The following MX1 variants were observed in gnomAD, a reference collection of about 807,000 sequenced individuals.
MX1 encodes the protein MX dynamin like GTPase 1, also known as interferon-induced GTP-binding protein Mx1.
Under a neutral mutation model 66.4 loss-of-function variants are expected in MX1, and 66 were observed. The observed-to-expected ratio is 0.99, with a 90% CI of 0.82 to 1.22. The LOEUF is 1.22. MX1 is among the 50% of genes most tolerant of loss of function. MX1 has a pLI of 0.00. For synonymous variants in MX1, 311 were observed against 318.1 expected (o/e 0.98, Z 0.24); for missense variants, 787 against 834.3 (o/e 0.94, Z 0.70).
intron 10 of MX1, chr21:41,443,451 A>C: frequency 7.6e-6 from 2 of 264,752 alleles, no homozygotes; most frequent in Non-Finnish European, 1.5e-5. Flanking sequence ...TCACCTACAC[A>C]TATTACACAT....
rs1033916867 is a variant in MX1, at chr21:41,441,256, G to A, written c.730+231G>A. ...GCCTCCACTAAGACCTGCTAAGGGAGCAGGTTTGGTGCCCACCAAGGCCAA... is the reference window on the plus strand; with the variant it reads ...GCCTCCACTAAGACCTGCTAAGGGAACAGGTTTGGTGCCCACCAAGGCCAA... On this transcript the variant is annotated intron_variant, in intron 9 of 16. Transcript: ENST00000398598. This position sits in a 1 kb window ranked among gnomAD's most constrained non-coding sequence, Gnocchi z 4.0. 2 of 580,166 alleles carry A rather than the reference G, an allele frequency of 3.4e-6. No individual in the cohort carries two copies. The highest frequency in any genetic ancestry group is 3.5e-5 in the Admixed American group (1 of 28,596). 35.9% of individuals were successfully genotyped at this position (580,166 alleles called of 1,614,324 possible). A position where few individuals can be genotyped will look rare whatever the true frequency, so the allele number is the denominator to read the frequency against.
chr21:41,438,202 G>A (rs998945721), intron 7 of MX1, among the ~76,000 whole-genome samples: 8 of 152,236 alleles, frequency 5.3e-5, no homozygotes, highest in African/African-American at 1.9e-4. Context: ...TTTGTTGACT[G>A]TTTAAAGAAA....
In MX1 at chr21:41,458,589, C is replaced by T. The variant is rs375454579; in HGVS notation, c.1820C>T (p.Thr607Met). 338 of 1,614,146 alleles carry T rather than the reference C, an allele frequency of 2.1e-4. No homozygotes were observed. Among genetic ancestry groups the T allele is most frequent in the Non-Finnish European group, 2.7e-4 (322 of 1,180,054 alleles). Residue 607 changes from threonine (T) to methionine (M), a missense_variant, in exon 17 of 17, where the codon ACG (threonine) becomes ATG (methionine). Thr to Met is a moderately conservative substitution (Grantham distance 81, BLOSUM62 -1). Coordinates refer to ENST00000398598, the MANE Select transcript of MX1 (RefSeq NM_002462.5). ...PLIIQFFMLQ[T>M]YGQQLQKAML... ...ATCATCCAGTTCTTCATGCTCCAGA[C>T]GTACGGCCAGCAGCTTCAGAAGGCC...
intron 8 of MX1, 112 bp downstream of exon 8, chr21:41,439,960 T>C: frequency 8.5e-7 from 1 of 1,174,246 alleles, no homozygotes; most frequent in Non-Finnish European, 1.2e-6. Flanking sequence ...CAGAGCTGAG[T>C]TTTGGAGTTA....
intron 6 of MX1, among the ~76,000 whole-genome samples, chr21:41,436,321 C>T (rs2090361922): frequency 6.6e-6 from 1 of 152,220 alleles, no homozygotes; most frequent in South Asian, 2.1e-4. Context: ...CTCATTTAAC[C>T]TTAATTGCCT....
chr21:41,447,053 G>C (rs1248216278), intron 13 of MX1, among the ~76,000 whole-genome samples: 2 of 152,194 alleles, frequency 1.3e-5, no homozygotes, highest in African/African-American at 2.4e-5. Flanking sequence ...GGCTTTGGCT[G>C]TCATAACAAA....
chr21:41,432,319 A>G (rs1242232995), intron 5 of MX1, 144 bp downstream of exon 5: 1 of 725,672 alleles, frequency 1.4e-6, no homozygotes, highest in Non-Finnish European at 2.3e-6. Flanking sequence ...CTGACCCTCT[A>G]CTTGCCAGCT....
intron 16 of MX1, among the ~76,000 whole-genome samples, chr21:41,458,176 C>A (rs180875873): frequency 6.6e-6 from 1 of 152,152 alleles, no homozygotes; most frequent in Non-Finnish European, 1.5e-5. Context: ...TTAGTAGAGA[C>A]GCGGTTTCAC....
intron 5 of MX1, among the ~76,000 whole-genome samples, chr21:41,435,635 C>G (rs1045349996): frequency 6.6e-6 from 1 of 152,136 alleles, no homozygotes; most frequent in African/African-American, 2.4e-5. Flanking sequence ...ACCATCAGAC[C>G]TCATGAAAAC....
At position 41,458,540 on chromosome 21, in the gene MX1, C is replaced by T. The variant is rs914069645; in HGVS notation, c.1771C>T (p.Arg591Cys). The change falls in exon 17 of 17, where the codon CGC (arginine) becomes TGC (cysteine). Residue 591 changes from arginine to cysteine, a missense_variant. Coordinates refer to ENST00000398598, the MANE Select transcript of MX1 (RefSeq NM_002462.5). ...TCTTTCCTTCCAGGAGGCCAGCAAG[C>T]GCATCTCCAGCCACATCCCTTTGAT... ...LMAYHQEASK[R>C]ISSHIPLIIQ... 13 of 1,569,576 alleles carry T rather than the reference C, an allele frequency of 8.3e-6. No individual in the cohort carries two copies. The highest frequency in any genetic ancestry group is 1.1e-5 in the Non-Finnish European group (13 of 1,156,990).
chr21:41,441,352 C>A lies in MX1; in HGVS notation c.730+327C>A. The A allele has an allele frequency of 2.3e-6, 1 of 431,166 alleles. No individual in the cohort carries two copies. Among genetic ancestry groups the A allele is most frequent in the Non-Finnish European group, 4.3e-6 (1 of 231,606 alleles). The allele number at this position is 431,166 out of a possible 1,614,324, so 26.7% of individuals were successfully genotyped here. A position where few individuals can be genotyped will look rare whatever the true frequency, so the allele number is the denominator to read the frequency against. The stretch of plus-strand genomic sequence containing the variant: ...AGCCTTATCTACTTGCTCAGAAAGG[C>A]ACAGTGGGCTCGGAAGCAGGTCAAA... On this transcript the variant is annotated intron_variant, in intron 9 of 16. Coordinates refer to ENST00000398598, the MANE Select transcript of MX1 (RefSeq NM_002462.5). This position sits in a 1 kb window ranked among gnomAD's most constrained non-coding sequence, Gnocchi z 4.0.
chr21:41,445,682 C>G, intron 12 of MX1, 112 bp downstream of exon 12: 1 of 1,460,342 alleles, frequency 6.8e-7, no homozygotes, highest in Non-Finnish European at 9.3e-7. Context: ...CCAAAGACAT[C>G]TGGCCCGTAG....
upstream of MX1, chr21:41,421,281 G>C (rs1295250634): frequency 1.3e-5 from 2 of 152,310 alleles, no homozygotes; most frequent in Non-Finnish European, 2.9e-5. Flanking sequence ...TATCTCAGTA[G>C]ATGGAACGTA....
chr21:41,443,513 G>T, intron 10 of MX1: 2 of 466,424 alleles, frequency 4.3e-6, no homozygotes, highest in South Asian at 2.6e-5. Flanking sequence ...GTGTATTTTT[G>T]TGATGACCAA....
At position 41,452,649 on chromosome 21, in the gene MX1, AAGAG is replaced by A. The variant is rs778990947; in HGVS notation, c.1544_1547del (p.Arg515LysfsTer5). ...AAAATTGAAGACATTAGAGCAGAAC[AAGAG>A]AGAGAAGGTGAGAAGCTGATCCGCC... is the stretch of plus-strand genomic sequence containing the variant. On this transcript the variant is annotated frameshift_variant, in exon 16 of 17. Coordinates refer to ENST00000398598, the MANE Select transcript of MX1 (RefSeq NM_002462.5). LOFTEE classifies it high-confidence loss of function. 6.2e-7 allele frequency: 1 copy of A among 1,614,124 alleles called. No individual in the cohort carries two copies. The highest frequency in any genetic ancestry group is 8.5e-7 in the Non-Finnish European group (1 of 1,180,022).
chr21:41,445,249 G>A (rs1041255237), intron 11 of MX1, among the ~76,000 whole-genome samples, 199 bp from the exon 12 acceptor site: 1 of 152,116 alleles, frequency 6.6e-6, no homozygotes, highest in Non-Finnish European at 1.5e-5. Flanking sequence ...AGTGGGGAAG[G>A]GGGAAGACCT....
rs147811042 is a variant in MX1, at chr21:41,441,844, C to G, written c.859C>G (p.Gln287Glu). The change falls in exon 10 of 17, where the codon CAG becomes GAG. Residue 287 changes from glutamine to glutamate, a missense_variant. Coordinates refer to ENST00000398598, the MANE Select transcript of MX1 (RefSeq NM_002462.5). This position sits in a 1 kb window ranked among gnomAD's most constrained non-coding sequence, Gnocchi z 4.0. ...CAAGTGCCGGGGCCAGCAGGAGATC[C>G]AGGACCAGCTGAGCCTGTCCGAAGC... ...IVKCRGQQEIQDQLSLSEALQ... is the reference protein window; with the variant it reads ...IVKCRGQQEIEDQLSLSEALQ... 2,307 of 1,614,152 alleles carry G rather than the reference C, an allele frequency of 1.4e-3. 5 individuals carry two copies. Among genetic ancestry groups the G allele is most frequent in the Non-Finnish European group, 1.6e-3 (1,858 of 1,180,042 alleles).
Position 41,440,942 on chromosome 21 carries a change from T to C in MX1, c.647T>C (p.Val216Ala), listed in dbSNP as rs372993302. Reference protein sequence around the residue: ...IQRQETISLVVVPSNVDIATT... With the variant: ...IQRQETISLVAVPSNVDIATT... ...AGGCAGGAGACAATCAGCCTGGTGG[T>C]GGTCCCCAGTAATGTGGACATCGCC... Residue 216 changes from valine to alanine, a missense_variant, in exon 9 of 17, where the codon GTG becomes GCG. Val to Ala is a moderately conservative substitution (Grantham distance 64). Coordinates refer to ENST00000398598, the MANE Select transcript of MX1 (RefSeq NM_002462.5). 3.3e-5 allele frequency: 54 copies of C among 1,614,034 alleles called. No individual in the cohort carries two copies. Among genetic ancestry groups the C allele is most frequent in the Non-Finnish European group, 4.5e-5 (53 of 1,179,990 alleles).
At chr21:41,433,626 GA>G (rs1465282413) in intron 5 of MX1, among the ~76,000 whole-genome samples, 1 of 152,164 alleles carries the variant, frequency 6.6e-6, no homozygotes, top group Non-Finnish European at 1.5e-5. Flanking sequence ...ACCATTGTGG[GA>G]AAAACATATA....
Sources: allele counts gnomAD v4.1 joint callset (sites outside exome capture counted in the v4.1 genomes callset), GRCh38; gene constraint gnomAD v4.1.1; non-coding constraint Gnocchi (gnomAD v3.1); transcripts MANE v1.5; gene names NCBI Gene and HGNC (gene_info 2026-07-23, HGNC 2026-07-21).